Variants in LIMS2 observed in about 807,000 individuals in gnomAD.
LIMS2 encodes LIM zinc finger domain containing 2, also known as LIM and senescent cell antigen-like-containing domain protein 2.
Under a neutral mutation model 45.3 loss-of-function variants are expected in LIMS2, and 30 were observed. The ratio of observed to expected loss-of-function variants is 0.66; its 90% CI spans 0.50 to 0.90. The LOEUF is 0.90. Ranked by LOEUF, LIMS2 falls within the 40% of genes least tolerant of loss-of-function variation. The probability of loss-of-function intolerance (pLI) is 0.00; values close to 1 mark genes in which losing one functional copy is unlikely to be tolerated. For synonymous variants in LIMS2, 173 were observed against 188.0 expected, an observed-to-expected ratio of 0.92 and a Z score of 0.65; for missense variants, 485 against 468.7, an observed-to-expected ratio of 1.03 and a Z score of -0.32.
chr2:127,668,584 G>A (rs961193857), intron 1 of LIMS2, among the ~76,000 whole-genome samples: 7 of 137,824 alleles, frequency 5.1e-5, no homozygotes, highest in Middle Eastern at 4.3e-3. Context: ...CAGGAGAATC[G>A]CTTGAACCCA....
chr2:127,642,308 T>C lies in LIMS2; in HGVS notation c.510-109A>G, dbSNP rs1682507434. 7.8e-7 allele frequency: 1 copy of C among 1,290,020 alleles called. No homozygotes were observed. The highest frequency in any genetic ancestry group is 1.6e-5 in the South Asian group (1 of 61,904). 79.9% of individuals were successfully genotyped at this position (1,290,020 alleles called of 1,614,324 possible). A position where few individuals can be genotyped will look rare whatever the true frequency, so the allele number is the denominator to read the frequency against. ...CTCCCCGAGGGGCCCATTCTGTCCC[T>C]GCAGAGCCGAGGCGGCAGCGCCTTC... On this transcript the variant is annotated intron_variant, in intron 5 of 9. Transcript: ENST00000355119. The surrounding 1 kb of genome is among the most constrained non-coding windows in gnomAD (Gnocchi z 5.3).
At chr2:127,641,167 T>C (rs531457462) in intron 6 of LIMS2, 179 bp from the exon 7 acceptor site, 1 of 592,446 alleles carries the variant, frequency 1.7e-6, no homozygotes, top group South Asian at 1.9e-5. Flanking sequence ...GGTGCAGGCC[T>C]TTCAGGATTC....
chr2:127,642,522 C>T lies in LIMS2; in HGVS notation c.510-323G>A, dbSNP rs1046821974. On this transcript the variant is annotated intron_variant, in intron 5 of 9. Coordinates refer to ENST00000355119, the MANE Select transcript of LIMS2 (RefSeq NM_001161403.3). The surrounding 1 kb of genome is among the most constrained non-coding windows in gnomAD (Gnocchi z 5.3). ...TAGGCACGGAGAGGACTGGAGGGGA[C>T]GGTGGGGGTGGGCGAGGACGGGGGC... is the stretch of plus-strand genomic sequence containing the variant. 1.3e-5 allele frequency: 3 copies of T among 222,526 alleles called. No individual in the cohort carries two copies. Among genetic ancestry groups the T allele is most frequent in the Admixed American group, 1.1e-4 (2 of 18,494 alleles). The allele number at this position is 222,526 out of a possible 1,614,324, so 13.8% of individuals were successfully genotyped here. A position where few individuals can be genotyped will look rare whatever the true frequency, so the allele number is the denominator to read the frequency against.
At position 127,647,221 on chromosome 2, in the gene LIMS2, A is replaced by AG. The variant is rs1683085316; in HGVS notation, c.360-4150_360-4149insC. ...ATTCTCATTTCATACATGGGCCCCT[A>AG]AAATGAGGGAGTGGCCCCAGGGCCA... On this transcript the variant is annotated intron_variant, in intron 4 of 9. Coordinates refer to ENST00000355119, the MANE Select transcript of LIMS2 (RefSeq NM_001161403.3). The surrounding 1 kb of genome is among the most constrained non-coding windows in gnomAD (Gnocchi z 4.3). Among the ~76,000 whole-genome samples, 1 of 152,178 alleles carries AG rather than the reference A, an allele frequency of 6.6e-6. No homozygotes were observed. Among genetic ancestry groups the AG allele is most frequent in the African/African-American group, 2.4e-5 (1 of 41,450 alleles).
chr2:127,673,763 G>A, intron 1 of LIMS2: 1 of 1,550,424 alleles, frequency 6.4e-7, no homozygotes, highest in South Asian at 1.2e-5. Flanking sequence ...AGGAGAGTGA[G>A]AACCAGCCAG....
chr2:127,644,131 G>C (rs1252422312), intron 4 of LIMS2: 1 of 456,188 alleles, frequency 2.2e-6, no homozygotes, highest in Non-Finnish European at 4.4e-6. Flanking sequence ...GCCCTGGGGT[G>C]TCTCATCATC....
chr2:127,661,921 G>A (rs527860357), intron 1 of LIMS2, among the ~76,000 whole-genome samples: 20 of 152,246 alleles, frequency 1.3e-4, no homozygotes, highest in African/African-American at 3.9e-4. Context: ...CCCCCATTCC[G>A]GATTCTGTTT....
Position 127,643,071 on chromosome 2 carries a change from G to A in LIMS2, c.361C>T (p.His121Tyr), listed in dbSNP as rs1206362783. 6.4e-7 allele frequency: 1 copy of A among 1,574,512 alleles called. No individual in the cohort carries two copies. Among genetic ancestry groups the A allele is most frequent in the Non-Finnish European group, 8.6e-7 (1 of 1,161,274 alleles). The change falls in exon 5 of 10, where the codon CAT becomes TAT. Residue 121 changes from histidine to tyrosine, a missense_variant and splice_region_variant. By Grantham distance (83) the His-to-Tyr change is moderately conservative (BLOSUM62 2). Transcript: ENST00000355119. ...CGGTTGTGGCAAGGCCGGCAGAGAT[G>A]CCTGCGGGAGGCGGGGGCATTAGGG... ...DLGFVKNAGR[H>Y]LCRPCHNREK...
In LIMS2 at chr2:127,654,847, G is replaced by A. The variant is rs201167843; in HGVS notation, c.221C>T (p.Pro74Leu). The A allele has an allele frequency of 3.9e-5, 63 of 1,614,162 alleles. No homozygotes were observed. In the East Asian group the frequency reaches 8.7e-4, roughly 22 times the overall value. The change falls in exon 3 of 10, where the codon CCG becomes CTG. Residue 74 changes from proline (P) to leucine (L), a missense_variant. Transcript: ENST00000355119. ...GGCCTTACCGCAGGATCCACAGCAC[G>A]GAGCAAACAGCATTTGGAAGTCGTG... ...CEHDFQMLFA[P>L]CCGSCGEFII...
Position 127,639,035 on chromosome 2 carries a change from G to C in LIMS2, c.*246C>G. The stretch of plus-strand genomic sequence containing the variant: ...GCTGTGGGCACAGGTGGACATGGCT[G>C]TCAGACGTGGGGTCATAGGCTCCCA... On this transcript the variant is annotated 3_prime_UTR_variant, in exon 10 of 10. Coordinates refer to ENST00000355119, the MANE Select transcript of LIMS2 (RefSeq NM_001161403.3). The C allele has an allele frequency of 1.9e-6, 1 of 518,088 alleles. No individual in the cohort carries two copies. Among genetic ancestry groups the C allele is most frequent in the East Asian group, 3.4e-5 (1 of 29,434 alleles). 32.1% of individuals were successfully genotyped at this position (518,088 alleles called of 1,614,324 possible).
chr2:127,662,861 C>T (rs1684768153), intron 1 of LIMS2, among the ~76,000 whole-genome samples: 1 of 152,118 alleles, frequency 6.6e-6, no homozygotes, highest in Non-Finnish European at 1.5e-5. Flanking sequence ...GCATTGACAC[C>T]ATCAGAAACA....
chr2:127,680,376 C>A (rs1406746103), upstream of LIMS2, among the ~76,000 whole-genome samples: 2 of 152,230 alleles, frequency 1.3e-5, no homozygotes, highest in African/African-American at 4.8e-5. Flanking sequence ...TCGCTTGAGC[C>A]CAGGATTTCG....
chr2:127,640,465 G>T (rs1682294535), intron 7 of LIMS2, 147 bp from the exon 8 acceptor site: 2 of 837,418 alleles, frequency 2.4e-6, no homozygotes, highest in South Asian at 3.2e-5. Flanking sequence ...AGGCTGGGTT[G>T]AGGGCACGGC....
At chr2:127,644,635 G>A (rs1239551578) in intron 4 of LIMS2, among the ~76,000 whole-genome samples, 3 of 152,206 alleles carry the variant, frequency 2.0e-5, no homozygotes, top group African/African-American at 7.2e-5. Context: ...CTCAACCCAC[G>A]AGGAATTATT....
chr2:127,654,635 GCT>G, intron 3 of LIMS2, 91 bp from the exon 4 acceptor site: 1 of 1,581,012 alleles, frequency 6.3e-7, no homozygotes, highest in East Asian at 2.2e-5. Context: ...CACTCCGCCT[GCT>G]CTCTGCCTGG....
rs1402962493 is a variant in LIMS2, at chr2:127,639,423, T to C, written c.884A>G (p.Lys295Arg). ...GGGCTTCATGTCGAACTCCACAAAC[T>C]TGTTCCTGAGGAGGAAGCTGAGCTG... Reference protein sequence around the residue: ...TCNSKLTLKNKFVEFDMKPVC... With the variant: ...TCNSKLTLKNRFVEFDMKPVC... Residue 295 changes from lysine (K) to arginine (R), a missense_variant, in exon 10 of 10, where the codon AAG (lysine) becomes AGG (arginine). Coordinates refer to ENST00000355119, the MANE Select transcript of LIMS2 (RefSeq NM_001161403.3). The C allele has an allele frequency of 5.0e-6, 8 of 1,613,630 alleles. No individual in the cohort carries two copies.
At chr2:127,650,002 A>G (rs1272514470) in intron 4 of LIMS2, 5 of 1,605,558 alleles carry the variant, frequency 3.1e-6, no homozygotes. Context: ...AGGTCTCCCC[A>G]CCTGTCAGGA....
chr2:127,656,864 T>C (rs11679367), intron 2 of LIMS2, among the ~76,000 whole-genome samples: 78,169 of 152,058 alleles, frequency 0.51, 21,538 homozygotes, highest in African/African-American at 0.71. Context: ...GCTCCTGGCC[T>C]TCTCCCTCTC....
At position 127,671,867 on chromosome 2, in the gene LIMS2, CGCCACTGCA is replaced by C. The variant is rs536923796; in HGVS notation, c.11+3138_11+3146del. The stretch of plus-strand genomic sequence containing the variant: ...CTTTACAGTTTGCTTAAGCCCCTGA[CGCCACTGCA>C]GCCTCGTGTGCTGTGCTGAGGGCTC... On this transcript the variant is annotated intron_variant, in intron 1 of 9. Transcript: ENST00000355119. The surrounding 1 kb of genome is among the most constrained non-coding windows in gnomAD (Gnocchi z 4.1). 2.4e-3 allele frequency among the ~76,000 whole-genome samples: 370 copies of C among 152,340 alleles called. 1 individual carries two copies. Among genetic ancestry groups the C allele is most frequent in the African/African-American group, 8.6e-3 (356 of 41,580 alleles).
Sources: allele counts gnomAD v4.1 joint callset (sites outside exome capture counted in the v4.1 genomes callset), GRCh38; gene constraint gnomAD v4.1.1; non-coding constraint Gnocchi (gnomAD v3.1); transcripts MANE v1.5; gene names NCBI Gene and HGNC (gene_info 2026-07-23, HGNC 2026-07-21).